The following CTNND2 variants were observed in gnomAD, a reference collection of about 807,000 sequenced individuals.
CTNND2 encodes the protein catenin delta 2.
In CTNND2, 22 loss-of-function variants were observed where a neutral mutation model predicts 144.4. The ratio of observed to expected loss-of-function variants is 0.15; its 90% CI spans 0.11 to 0.22. The LOEUF (loss-of-function observed/expected upper bound fraction) is 0.22, where lower values mean the gene tolerates loss of function less well. Ranked by LOEUF, CTNND2 falls within the 10% of genes least tolerant of loss-of-function variation. The pLI is 1.00. For synonymous variants in CTNND2, 751 were observed against 695.6 expected (o/e 1.08, Z -1.25); for missense variants, 1,353 against 1,618.8 (o/e 0.84, Z 2.82).
intron 1 of CTNND2, among the ~76,000 whole-genome samples, chr5:11,856,712 G>A (rs975561037): frequency 3.3e-5 from 5 of 152,102 alleles, no homozygotes; most frequent in Admixed American, 6.5e-5. Context: ...ATCTCCCTTC[G>A]ACATATATGT....
intron 11 of CTNND2, among the ~76,000 whole-genome samples, chr5:11,181,976 G>A (rs1412242414): frequency 2.8e-5 from 4 of 143,724 alleles, no homozygotes; most frequent in Non-Finnish European, 6.1e-5. Context: ...TAGTATGTGT[G>A]TGGTGTGTGT....
chr5:11,447,825 T>C (rs950000139), intron 3 of CTNND2, among the ~76,000 whole-genome samples: 7 of 152,192 alleles, frequency 4.6e-5, no homozygotes, highest in African/African-American at 1.4e-4. Context: ...TGAATACATT[T>C]CAAAGAATAG....
chr5:11,415,509 C>T (rs1761868936), intron 3 of CTNND2, among the ~76,000 whole-genome samples: 1 of 152,058 alleles, frequency 6.6e-6, no homozygotes, highest in Admixed American at 6.6e-5. Context: ...GGGAGGTCAA[C>T]ATGGGAAGAT....
At chr5:11,327,636 G>A (rs1356615802) in intron 9 of CTNND2, among the ~76,000 whole-genome samples, 1 of 152,150 alleles carries the variant, frequency 6.6e-6, no homozygotes, top group African/African-American at 2.4e-5. Context: ...ATAATTACAA[G>A]CAGATTTACA....
At chr5:10,994,142 C>T (rs900027722) in intron 18 of CTNND2, among the ~76,000 whole-genome samples, 5 of 146,944 alleles carry the variant, frequency 3.4e-5, no homozygotes, top group Non-Finnish European at 5.9e-5. Context: ...TCAAACAATA[C>T]ACAAGTTACA....
chr5:10,977,678 C>A (rs372750039), intron 21 of CTNND2, among the ~76,000 whole-genome samples: 93 of 152,290 alleles, frequency 6.1e-4, no homozygotes, highest in African/African-American at 1.8e-3. Flanking sequence ...GTCTTGAACT[C>A]CTGAGCTCAA....
chr5:11,101,610 A>G (rs1751881688), intron 14 of CTNND2, among the ~76,000 whole-genome samples: 1 of 152,208 alleles, frequency 6.6e-6, no homozygotes, highest in Non-Finnish European at 1.5e-5. Flanking sequence ...TGAAGCAGTG[A>G]CCACACAGTG....
intron 3 of CTNND2, among the ~76,000 whole-genome samples, chr5:11,446,359 T>C (rs1764797378): frequency 6.6e-6 from 1 of 152,172 alleles, no homozygotes; most frequent in Non-Finnish European, 1.5e-5. Context: ...TTCTCCTCGG[T>C]TCATGGGAGG....
rs148587719 is a variant in CTNND2, at chr5:11,049,100, C to T, written c.2789-26121G>A. On this transcript the variant is annotated intron_variant, in intron 16 of 21. Transcript: ENST00000304623. Reference sequence around the variant, plus strand: ...TTGCTCTAGAGATTCCGAGGTAAGACGAGGTCACTGCTGGAAATGGGGGAA... The same window carrying T: ...TTGCTCTAGAGATTCCGAGGTAAGATGAGGTCACTGCTGGAAATGGGGGAA... 5.9e-5 allele frequency among the ~76,000 whole-genome samples: 9 copies of T among 152,286 alleles called. No individual in the cohort carries two copies. In the East Asian group the frequency reaches 1.2e-3, roughly 20 times the overall value.
At chr5:11,748,496 G>C (rs995775591) in intron 1 of CTNND2, among the ~76,000 whole-genome samples, 6 of 152,040 alleles carry the variant, frequency 3.9e-5, no homozygotes, top group Non-Finnish European at 8.8e-5. Context: ...CAAATAATTA[G>C]ATATTATGAA....
At chr5:11,246,654 A>G (rs1324497134) in intron 9 of CTNND2, among the ~76,000 whole-genome samples, 1 of 144,142 alleles carries the variant, frequency 6.9e-6, no homozygotes, top group Non-Finnish European at 1.5e-5. Context: ...CAGGAAACTC[A>G]TACAAGTTGG....
chr5:11,435,021 C>T (rs927092323), intron 3 of CTNND2, among the ~76,000 whole-genome samples: 1 of 151,992 alleles, frequency 6.6e-6, no homozygotes, highest in Non-Finnish European at 1.5e-5. Context: ...AGACATTTTA[C>T]TTTATTACAG....
At chr5:11,517,358 GT>G (rs1772258568) in intron 3 of CTNND2, among the ~76,000 whole-genome samples, 1 of 152,154 alleles carries the variant, frequency 6.6e-6, no homozygotes, top group African/African-American at 2.4e-5. Context: ...ATACAAAAAG[GT>G]TAAGGTAATT....
intron 1 of CTNND2, among the ~76,000 whole-genome samples, chr5:11,840,377 G>A (rs1794399887): frequency 6.6e-6 from 1 of 152,106 alleles, no homozygotes; most frequent in African/African-American, 2.4e-5. Flanking sequence ...AAGAACTTGT[G>A]TCCCTTAAAA....
rs150761957 is a variant in CTNND2, at chr5:11,806,733, T to G, written c.38-74461A>C. Among the ~76,000 whole-genome samples, 717 of 152,080 alleles carry G rather than the reference T, an allele frequency of 4.7e-3. 2 individuals are homozygous for G. Among genetic ancestry groups the G allele is most frequent in the African/African-American group, 0.016 (680 of 41,498 alleles). ...GGAAATCTAAAAAGTTAATATATAT[T>G]TATATATATAACACTGAGAAGGGTG... On this transcript the variant is annotated intron_variant, in intron 1 of 21. Transcript: ENST00000304623.
At chr5:11,181,726 GT>G (rs761937195) in intron 11 of CTNND2, among the ~76,000 whole-genome samples, 8 of 143,660 alleles carry the variant, frequency 5.6e-5, no homozygotes, top group Non-Finnish European at 1.2e-4. Flanking sequence ...GTGTGTGTGT[GT>G]TATGTGTGGC....
intron 3 of CTNND2, among the ~76,000 whole-genome samples, chr5:11,448,951 C>A (rs2149908556): frequency 6.6e-6 from 1 of 152,086 alleles, no homozygotes; most frequent in African/African-American, 2.4e-5. Flanking sequence ...GATCCTCCCA[C>A]CTCAGTCTCC....
At chr5:11,121,078 C>A (rs1754093878) in intron 12 of CTNND2, among the ~76,000 whole-genome samples, 1 of 152,180 alleles carries the variant, frequency 6.6e-6, no homozygotes, top group South Asian at 2.1e-4. Flanking sequence ...GAAGTCATGT[C>A]AGCTTATGAT....
At chr5:11,237,999 T>C (rs1741825348) in intron 9 of CTNND2, among the ~76,000 whole-genome samples, 1 of 152,230 alleles carries the variant, frequency 6.6e-6, no homozygotes, top group African/African-American at 2.4e-5. Context: ...GCACTTTCTT[T>C]TTCCTGTCTC....
Sources: gnomAD v4.1 joint callset for allele counts (sites outside exome capture counted in the v4.1 genomes callset) on GRCh38, gnomAD v4.1.1 for gene constraint, MANE v1.5 for transcripts, NCBI Gene and HGNC (gene_info 2026-07-23, HGNC 2026-07-21) for gene names.